PCCA: variants seen among roughly 807,000 people sequenced by gnomAD.
PCCA encodes the protein propionyl-CoA carboxylase alpha chain, mitochondrial.
In PCCA, 74 loss-of-function variants were observed where a neutral mutation model predicts 101.3. That is an observed-to-expected ratio of 0.73 (90% confidence interval 0.61 to 0.89). The LOEUF (loss-of-function observed/expected upper bound fraction) is 0.89, where lower values mean the gene tolerates loss of function less well. Ranked by LOEUF, PCCA falls within the 40% of genes least tolerant of loss-of-function variation. The pLI, the probability that PCCA is intolerant of heterozygous loss-of-function variation, is 0.00. For synonymous variants in PCCA, 294 were observed against 313.6 expected (o/e 0.94, Z 0.66); for missense variants, 891 against 907.0 (o/e 0.98, Z 0.23).
chr13:100,168,040 C>A (rs539165721), intron 6 of PCCA, among the ~76,000 whole-genome samples: 1 of 152,326 alleles, frequency 6.6e-6, no homozygotes, highest in South Asian at 2.1e-4. Flanking sequence ...TCACCACTGA[C>A]CCCCTCTTTT....
intron 7 of PCCA, among the ~76,000 whole-genome samples, chr13:100,225,060 C>T (rs2060071878): frequency 6.6e-6 from 1 of 152,176 alleles, no homozygotes; most frequent in Admixed American, 6.5e-5. Flanking sequence ...TTAGAAAACT[C>T]ATTTTGGTTT....
chr13:100,383,609 C>T (rs1401576671), intron 19 of PCCA, among the ~76,000 whole-genome samples: 2 of 150,482 alleles, frequency 1.3e-5, no homozygotes, highest in East Asian at 3.9e-4. Flanking sequence ...TCCTGGACCC[C>T]GTGTCGAAAA....
chr13:100,366,011 A>C (rs2075122978), intron 18 of PCCA, among the ~76,000 whole-genome samples: 1 of 152,204 alleles, frequency 6.6e-6, no homozygotes, highest in Non-Finnish European at 1.5e-5. Context: ...TGAATGCAAA[A>C]GGTGGGTTCT....
chr13:100,502,331 C>T (rs768420782), intron 21 of PCCA, among the ~76,000 whole-genome samples: 39 of 152,154 alleles, frequency 2.6e-4, no homozygotes, highest in Non-Finnish European at 4.0e-4. Flanking sequence ...GTAGATGTCC[C>T]TGCTGAACGG....
chr13:100,142,485 T>C (rs1025430727), intron 4 of PCCA, among the ~76,000 whole-genome samples: 2 of 151,452 alleles, frequency 1.3e-5, no homozygotes, highest in African/African-American at 4.9e-5. Flanking sequence ...CTTTTTTTTT[T>C]TTTTTTTGAG....
At chr13:100,158,757 T>A (rs1040773534) in intron 6 of PCCA, among the ~76,000 whole-genome samples, 1 of 152,286 alleles carries the variant, frequency 6.6e-6, no homozygotes, top group East Asian at 1.9e-4. Flanking sequence ...TTTTTGTCAA[T>A]AAAATTTTAT....
At chr13:100,366,769 A>G (rs2075204688) in intron 18 of PCCA, among the ~76,000 whole-genome samples, 1 of 152,018 alleles carries the variant, frequency 6.6e-6, no homozygotes, top group Admixed American at 6.5e-5. Flanking sequence ...CTGTGTGTAC[A>G]GTGTGCATTA....
chr13:100,145,019 G>A (rs992127448), intron 4 of PCCA, among the ~76,000 whole-genome samples: 6 of 152,202 alleles, frequency 3.9e-5, no homozygotes, highest in African/African-American at 1.4e-4. Flanking sequence ...CCATGAGGGA[G>A]CAGATGATTC....
At chr13:100,194,573 A>G (rs896761461) in intron 6 of PCCA, among the ~76,000 whole-genome samples, 7 of 151,894 alleles carry the variant, frequency 4.6e-5, no homozygotes, top group Non-Finnish European at 1.0e-4. Flanking sequence ...GTGTGCCACC[A>G]CACCCAGCTA....
intron 20 of PCCA, among the ~76,000 whole-genome samples, chr13:100,441,225 A>G (rs2080341134): frequency 6.6e-6 from 1 of 152,210 alleles, no homozygotes. Context: ...AATTTTGAGT[A>G]GTATAAACAC....
chr13:100,438,952 C>G (rs560508316), intron 20 of PCCA, among the ~76,000 whole-genome samples: 5 of 152,216 alleles, frequency 3.3e-5, no homozygotes, highest in Admixed American at 2.0e-4. Flanking sequence ...AACAATGGAA[C>G]GGTCAGAGTG....
At chr13:100,173,001 CT>C (rs531362771) in intron 6 of PCCA, among the ~76,000 whole-genome samples, 69 of 149,446 alleles carry the variant, frequency 4.6e-4, no homozygotes, top group South Asian at 1.3e-3. Context: ...GTTTTCAGCT[CT>C]TTTTTTTTTA....
intron 12 of PCCA, among the ~76,000 whole-genome samples, chr13:100,295,939 G>T (rs1339345487): frequency 6.6e-6 from 1 of 152,068 alleles, no homozygotes; most frequent in Non-Finnish European, 1.5e-5. Context: ...GTCAACTCAG[G>T]TATATAATTA....
At chr13:100,316,840 C>G (rs1036064854) in intron 16 of PCCA, among the ~76,000 whole-genome samples, 1 of 151,580 alleles carries the variant, frequency 6.6e-6, no homozygotes, top group African/African-American at 2.4e-5. Flanking sequence ...GTGGCATGAT[C>G]TCGGCTCATT....
chr13:100,256,027 T>C (rs550479421), intron 8 of PCCA, among the ~76,000 whole-genome samples: 11 of 152,308 alleles, frequency 7.2e-5, no homozygotes, highest in African/African-American at 2.6e-4. Context: ...CTTTCTTTTT[T>C]TTCTTCTTTG....
intron 2 of PCCA, among the ~76,000 whole-genome samples, chr13:100,103,379 T>C (rs887257252): frequency 6.6e-6 from 1 of 151,820 alleles, no homozygotes; most frequent in African/African-American, 2.4e-5. Flanking sequence ...TGGTGTGATC[T>C]AGGCTCACTG....
At chr13:100,255,856 T>C (rs1032290458) in intron 8 of PCCA, among the ~76,000 whole-genome samples, 2 of 152,162 alleles carry the variant, frequency 1.3e-5, no homozygotes, top group African/African-American at 4.8e-5. Flanking sequence ...ATGTTTTCTA[T>C]TGTGTTTTCC....
At chr13:100,112,093 A>G (rs2048371577) in intron 4 of PCCA, 32 bp downstream of exon 4, 1 of 1,538,432 alleles carries the variant, frequency 6.5e-7, no homozygotes. Flanking sequence ...TTAAATCAGG[A>G]CTTAATTTTG....
rs747393591 is a variant in PCCA at position 100,518,004 on chromosome 13, G to T, written c.2040+2437G>T. On this transcript the variant is annotated intron_variant, in intron 22 of 23. Transcript: ENST00000376285. ...TGCGGTTTTAAGTGATTTTAACACC[G>T]CGGGGCGTGTTGTGTTTTCCTCCGC... Among the ~76,000 whole-genome samples, 60 of 151,672 alleles carry T rather than the reference G, an allele frequency of 4.0e-4. 1 individual carries two copies. Among genetic ancestry groups the T allele is most frequent in the Middle Eastern group, 6.8e-3 (2 of 294 alleles).
Sources: gnomAD v4.1 joint callset for allele counts (sites outside exome capture counted in the v4.1 genomes callset) on GRCh38, gnomAD v4.1.1 for gene constraint, MANE v1.5 for transcripts, NCBI Gene and HGNC (gene_info 2026-07-23, HGNC 2026-07-21) for gene names.